The following COL5A2 variants were observed in gnomAD, a reference collection of about 807,000 sequenced individuals.
The protein encoded by COL5A2 is collagen type V alpha 2 chain.
In COL5A2, 23 loss-of-function variants were observed where a neutral mutation model predicts 208.2. That is an observed-to-expected ratio of 0.11 (90% CI 0.08 to 0.16). The LOEUF is 0.16. Ranked by LOEUF, COL5A2 falls within the 10% of genes least tolerant of loss-of-function variation. COL5A2 has a pLI of 1.00. For missense variants in COL5A2, 1,590 were observed against 1,956.4 expected, an observed-to-expected ratio of 0.81 and a Z score of 3.53; for synonymous variants, 625 against 628.5, an observed-to-expected ratio of 0.99 and a Z score of 0.08.
At chr2:189,393,767 A>T in the COL5A2 span, among the ~76,000 whole-genome samples, 1 of 152,338 alleles carries the variant, frequency 6.6e-6, no homozygotes, top group South Asian at 2.1e-4. Context: ...AAATTGCCAG[A>T]AGAAATGAAC....
At chr2:189,243,459 C>G in the COL5A2 span, among the ~76,000 whole-genome samples, 1 of 152,162 alleles carries the variant, frequency 6.6e-6, no homozygotes, top group East Asian at 1.9e-4. Flanking sequence ...AGAGCTTGCA[C>G]AGGGAAACTC....
In COL5A2 at chr2:189,050,635, C is replaced by T; in HGVS notation, c.2973G>A (p.Gln991=). 3 of 1,552,630 alleles carry T rather than the reference C, an allele frequency of 1.9e-6. No homozygotes were observed. Among genetic ancestry groups the T allele is most frequent in the Non-Finnish European group, 2.6e-6 (3 of 1,147,438 alleles). ...GCCCAGGCATGCCAACAATTCCTCT[C>T]TGCCCGGTCGTTCCAGCTGGACCAG... is the stretch of plus-strand genomic sequence containing the variant. ...GPPGPAGTTG[Q]RGIVGMPGQR... The change falls in exon 43 of 54, where the codon CAG becomes CAA. Residue 991 remains glutamine (Q), a synonymous_variant. Transcript: ENST00000374866.
chr2:189,127,182 G>A (rs1687622939), intron 1 of COL5A2, among the ~76,000 whole-genome samples: 1 of 151,958 alleles, frequency 6.6e-6, no homozygotes, highest in Non-Finnish European at 1.5e-5. Context: ...TAAAAGGCAG[G>A]GAAAGAGAAG....
chr2:189,276,556 T>TA, the COL5A2 span, among the ~76,000 whole-genome samples: 1 of 152,150 alleles, frequency 6.6e-6, no homozygotes, highest in African/African-American at 2.4e-5. Flanking sequence ...CCATATTGCA[T>TA]AAAATTATTG....
intron 1 of COL5A2, among the ~76,000 whole-genome samples, chr2:189,224,310 G>T (rs1224300282): frequency 6.6e-6 from 1 of 151,824 alleles, no homozygotes; most frequent in Non-Finnish European, 1.5e-5. Context: ...TAATTTTCCA[G>T]AAATAACTTA....
the COL5A2 span, among the ~76,000 whole-genome samples, chr2:189,314,940 T>G: frequency 4.6e-5 from 7 of 152,182 alleles, no homozygotes; most frequent in Admixed American, 1.3e-4. Context: ...CAGTAATAAA[T>G]AGCATACCAA....
At chr2:189,400,600 T>C in the COL5A2 span, among the ~76,000 whole-genome samples, 10 of 152,348 alleles carry the variant, frequency 6.6e-5, no homozygotes, top group African/African-American at 2.2e-4. Flanking sequence ...ATTTCTATCA[T>C]TCTTTTTTCT....
intron 1 of COL5A2, among the ~76,000 whole-genome samples, chr2:189,210,050 C>T (rs1157650278): frequency 6.6e-6 from 1 of 152,090 alleles, no homozygotes; most frequent in African/African-American, 2.4e-5. Flanking sequence ...ATAAATCCTC[C>T]TGGTCCTTTT....
chr2:189,072,862 G>T (rs1686307879), intron 17 of COL5A2, among the ~76,000 whole-genome samples: 1 of 151,642 alleles, frequency 6.6e-6, no homozygotes, highest in South Asian at 2.1e-4. Context: ...CTACATTTGG[G>T]AAGGCATGCA....
chr2:189,415,174 T>C, the COL5A2 span, among the ~76,000 whole-genome samples: 1 of 152,226 alleles, frequency 6.6e-6, no homozygotes, highest in East Asian at 1.9e-4. Context: ...TTTGCAGTTA[T>C]GGTAAGTTAG....
intron 1 of COL5A2, among the ~76,000 whole-genome samples, chr2:189,126,150 A>G (rs1224240189): frequency 6.6e-6 from 1 of 152,072 alleles, no homozygotes; most frequent in Non-Finnish European, 1.5e-5. Context: ...TTAGAGATTA[A>G]TTTCACTTAA....
At position 189,063,973 on chromosome 2, in the gene COL5A2, T is replaced by G; in HGVS notation, c.1770+7A>C. The G allele has an allele frequency of 6.2e-7, 1 of 1,610,420 alleles. No individual in the cohort carries two copies. ...AGTGGTTGTGGACTTCTGTTTAAAT[T>G]ACTTACCAAAGGTCCAAGTTTTCCT... On this transcript the variant is annotated splice_region_variant and intron_variant, in intron 26 of 53. Transcript: ENST00000374866.
At chr2:189,264,302 C>T in the COL5A2 span, among the ~76,000 whole-genome samples, 12 of 151,990 alleles carry the variant, frequency 7.9e-5, no homozygotes, top group African/African-American at 1.4e-4. Context: ...GAAAGGAAAA[C>T]GGTATTCTGA....
intron 1 of COL5A2, among the ~76,000 whole-genome samples, chr2:189,213,839 A>C (rs1254731824): frequency 6.6e-6 from 1 of 152,192 alleles, no homozygotes; most frequent in African/African-American, 2.4e-5. Flanking sequence ...GAAAGTAGAG[A>C]GTAGTTGTGA....
At chr2:189,096,739 G>A (rs933525772) in intron 6 of COL5A2, among the ~76,000 whole-genome samples, 1 of 151,942 alleles carries the variant, frequency 6.6e-6, no homozygotes, top group Non-Finnish European at 1.5e-5. Context: ...ATATCCTCAT[G>A]TTTTATCTCA....
At chr2:189,093,354 A>G (rs1686828028) in intron 6 of COL5A2, among the ~76,000 whole-genome samples, 1 of 152,214 alleles carries the variant, frequency 6.6e-6, no homozygotes, top group African/African-American at 2.4e-5. Flanking sequence ...GATCAAGGGA[A>G]ATATGGTAAA....
At chr2:189,056,520 T>C (rs999264444) in intron 35 of COL5A2, among the ~76,000 whole-genome samples, 2 of 152,150 alleles carry the variant, frequency 1.3e-5, no homozygotes, top group Non-Finnish European at 2.9e-5. Context: ...TTATTAATGA[T>C]AACATTAATG....
chr2:189,372,667 A>C, the COL5A2 span, among the ~76,000 whole-genome samples: 4 of 152,166 alleles, frequency 2.6e-5, no homozygotes, highest in African/African-American at 7.2e-5. Context: ...TTTTAATTTT[A>C]AGCCCTTATG....
chr2:189,303,964 T>C, the COL5A2 span, among the ~76,000 whole-genome samples: 1 of 152,322 alleles, frequency 6.6e-6, no homozygotes, highest in Non-Finnish European at 1.5e-5. Flanking sequence ...TTTTCTTTTA[T>C]CACAAGCTAG....
Sources: gnomAD v4.1 joint callset for allele counts (sites outside exome capture counted in the v4.1 genomes callset) on GRCh38, gnomAD v4.1.1 for gene constraint, MANE v1.5 for transcripts, NCBI Gene and HGNC (gene_info 2026-07-23, HGNC 2026-07-21) for gene names.